The following CACNG5 variants were observed in gnomAD, a reference collection of about 807,000 sequenced individuals.
CACNG5 encodes calcium voltage-gated channel auxiliary subunit gamma 5, also known as voltage-dependent calcium channel gamma-5 subunit.
Under a neutral mutation model 24.8 loss-of-function variants are expected in CACNG5, and 18 were observed. The ratio of observed to expected loss-of-function variants is 0.73; its 90% CI spans 0.50 to 1.08. The LOEUF is 1.08. CACNG5 is among the 50% of genes least tolerant of loss of function. The pLI is 0.00. For synonymous variants in CACNG5, 157 were observed against 149.1 expected (o/e 1.05, Z -0.39); for missense variants, 349 against 367.9 (o/e 0.95, Z 0.42).
In CACNG5 at chr17:66,880,583, C is replaced by T; in HGVS notation, c.310C>T (p.Pro104Ser). Residue 104 changes from proline (P) to serine (S), a missense_variant, in exon 4 of 6, where the codon CCT becomes TCT. Transcript: ENST00000533854. ...LKMIRSATPF[P>S]LVSLFFMFIG... The stretch of plus-strand genomic sequence containing the variant: ...GATGATCCGCTCAGCCACACCATTC[C>T]CTCTGGTCAGCCTCTTCTTCATGTT... 1.2e-6 allele frequency: 2 copies of T among 1,614,230 alleles called. No homozygotes were observed. Among genetic ancestry groups the T allele is most frequent in the Non-Finnish European group, 1.7e-6 (2 of 1,180,038 alleles).
Position 66,884,922 on chromosome 17 carries a change from G to A in CACNG5, c.571-61G>A, listed in dbSNP as rs771631745. The A allele has an allele frequency of 1.4e-5, 23 of 1,613,886 alleles. No individual in the cohort carries two copies. The Admixed American group carries it at 3.7e-4, about 26-fold the overall frequency. Reference sequence around the variant, plus strand: ...CGAGCTGTGTCCTGTGCAGACCCCAGCCAAGGGAGATGAGGCAGGCCCCAG... The same window carrying A: ...CGAGCTGTGTCCTGTGCAGACCCCAACCAAGGGAGATGAGGCAGGCCCCAG... On this transcript the variant is annotated intron_variant, in intron 5 of 5. Transcript: ENST00000533854.
chr17:66,876,986 AAT>A (rs1977085950), intron 1 of CACNG5, among the ~76,000 whole-genome samples: 3 of 144,206 alleles, frequency 2.1e-5, no homozygotes, highest in Admixed American at 2.1e-4. Flanking sequence ...TTGCTGAATG[AAT>A]GAATGAATGA....
intron 1 of CACNG5, among the ~76,000 whole-genome samples, chr17:66,853,164 A>G (rs1490457412): frequency 2.0e-5 from 3 of 152,210 alleles, no homozygotes; most frequent in Non-Finnish European, 4.4e-5. Context: ...CTTTCAAGAT[A>G]TCACCCATGT....
In CACNG5 at chr17:66,886,265, G is replaced by T. The variant is rs73994666; in HGVS notation, c.*1025G>T. Among the ~76,000 whole-genome samples, 2,528 of 152,310 alleles carry T rather than the reference G, an allele frequency of 0.017. 68 individuals are homozygous for T. Among genetic ancestry groups the T allele is most frequent in the African/African-American group, 0.058 (2,400 of 41,564 alleles). On this transcript the variant is annotated 3_prime_UTR_variant, in exon 6 of 6. Transcript: ENST00000533854. ...TGAGGACACCTGGTGCAGCTTGAGT[G>T]CAAACAAAGGCAGACTTGGAATAAT...
At position 66,842,920 on chromosome 17, in the gene CACNG5, G is replaced by A. The variant is rs77014372; in HGVS notation, c.-104+7670G>A. On this transcript the variant is annotated intron_variant, in intron 1 of 5. Transcript: ENST00000533854. ...GGGGAGCAAACAGGCCAGTGGGCAA[G>A]TGGGACAGATGGCCTATGAGTTGGC... Among the ~76,000 whole-genome samples, 121 of 152,352 alleles carry A rather than the reference G, an allele frequency of 7.9e-4. 1 individual carries two copies. In the East Asian group the frequency reaches 0.022, roughly 28 times the overall value.
chr17:66,884,784 C>T, intron 5 of CACNG5, 123 bp downstream of exon 5: 1 of 1,613,480 alleles, frequency 6.2e-7, no homozygotes, highest in South Asian at 1.1e-5. Context: ...ACCACCCACT[C>T]TACTTCCCTT....
In CACNG5 at chr17:66,885,569, T is replaced by G; in HGVS notation, c.*329T>G. ...ACACCGATGTTCCCTTTGTATATTC[T>G]TCCTGCACCCCCCAACTTCATGGCC... On this transcript the variant is annotated 3_prime_UTR_variant, in exon 6 of 6. Transcript: ENST00000533854. 3 of 283,738 alleles carry G rather than the reference T, an allele frequency of 1.1e-5. No homozygotes were observed. Among genetic ancestry groups the G allele is most frequent in the Admixed American group, 4.8e-5 (1 of 20,834 alleles). The allele number at this position is 283,738 out of a possible 1,614,324, so 17.6% of individuals were successfully genotyped here.
chr17:66,873,062 T>C (rs1303026666), intron 1 of CACNG5, among the ~76,000 whole-genome samples: 1 of 152,120 alleles, frequency 6.6e-6, no homozygotes. Context: ...CACCTGTGCT[T>C]TCCTGTAGGC....
intron 1 of CACNG5, among the ~76,000 whole-genome samples, chr17:66,858,890 T>G (rs911736773): frequency 4.9e-4 from 75 of 152,196 alleles, no homozygotes; most frequent in Admixed American, 4.8e-3. Flanking sequence ...TGTGAATACC[T>G]TGAATTCATC....
At chr17:66,865,236 G>A (rs1384960874) in intron 1 of CACNG5, among the ~76,000 whole-genome samples, 1 of 150,098 alleles carries the variant, frequency 6.7e-6, no homozygotes, top group African/African-American at 2.4e-5. Context: ...TTTGTGCACA[G>A]CCATTTATCT....
Position 66,877,402 on chromosome 17 carries a change from C to T in CACNG5, c.70C>T (p.Leu24=), listed in dbSNP as rs748099487. The part of the protein sequence containing the change: ...SVFAVCGLGL[L]GIAVSTDYWL... ...CTTTGCTGTCTGTGGCTTGGGCCTCCTGGGTATCGCGGTCAGCACCGACTA... is the reference window on the plus strand; with the variant it reads ...CTTTGCTGTCTGTGGCTTGGGCCTCTTGGGTATCGCGGTCAGCACCGACTA... The change falls in exon 2 of 6, where the codon CTG becomes TTG. Residue 24 remains leucine, a synonymous_variant. Coordinates refer to ENST00000533854, the MANE Select transcript of CACNG5 (RefSeq NM_145811.3). 6.2e-7 allele frequency: 1 copy of T among 1,614,114 alleles called. No homozygotes were observed. The highest frequency in any genetic ancestry group is 1.7e-5 in the Admixed American group (1 of 60,012).
chr17:66,876,979 C>CTGAATGAATGAATGAATGAA (rs3834579), intron 1 of CACNG5, among the ~76,000 whole-genome samples: 2 of 149,004 alleles, frequency 1.3e-5, no homozygotes, highest in South Asian at 2.1e-4. Context: ...CAATGGGTTG[C>CTGAATGAATGAATGAATGAA]TGAATGAATG....
In CACNG5 at chr17:66,886,700, G is replaced by A. The variant is rs899077938; in HGVS notation, c.*1460G>A. On this transcript the variant is annotated 3_prime_UTR_variant, in exon 6 of 6. Coordinates refer to ENST00000533854, the MANE Select transcript of CACNG5 (RefSeq NM_145811.3). ...CAGCACGTAGTCCAGAAAGCTGCAC[G>A]TCTGGTGTGCGCAGCCTTGGAGAGG... Among the ~76,000 whole-genome samples the A allele has an allele frequency of 1.3e-5, 2 of 152,240 alleles. No homozygotes were observed. The highest frequency in any genetic ancestry group is 1.5e-5 in the Non-Finnish European group (1 of 68,042).
intron 1 of CACNG5, among the ~76,000 whole-genome samples, chr17:66,876,396 C>T (rs1977078141): frequency 1.3e-5 from 2 of 152,294 alleles, no homozygotes; most frequent in South Asian, 4.1e-4. Context: ...CATCCATCTG[C>T]CTTGCTCTCC....
intron 1 of CACNG5, among the ~76,000 whole-genome samples, chr17:66,875,524 C>T (rs1053221279): frequency 6.6e-6 from 1 of 152,182 alleles, no homozygotes; most frequent in African/African-American, 2.4e-5. Context: ...CCCTCAACCC[C>T]TTCTCACAAA....
intron 3 of CACNG5, among the ~76,000 whole-genome samples, chr17:66,880,116 G>C (rs1977136312): frequency 1.3e-5 from 2 of 152,198 alleles, no homozygotes; most frequent in African/African-American, 4.8e-5. Context: ...ATAAGTTGAA[G>C]AAAACAGAGG....
In CACNG5 at chr17:66,891,200, T is replaced by C. The variant is rs1977338928; in HGVS notation, c.*5960T>C. Among the ~76,000 whole-genome samples the C allele has an allele frequency of 6.6e-6, 1 of 152,204 alleles. No individual in the cohort carries two copies. The highest frequency in any genetic ancestry group is 2.4e-5 in the African/African-American group (1 of 41,464). ...CCAGAAGCAACCCCAGCAGACTTCA[T>C]GTCATGTCTCATTGGCCAAAACCAA... On this transcript the variant is annotated 3_prime_UTR_variant, in exon 6 of 6. Transcript: ENST00000533854.
At position 66,887,236 on chromosome 17, in the gene CACNG5, C is replaced by T. The variant is rs964576558; in HGVS notation, c.*1996C>T. 1.3e-5 allele frequency among the ~76,000 whole-genome samples: 2 copies of T among 152,128 alleles called. No homozygotes were observed. Among genetic ancestry groups the T allele is most frequent in the Non-Finnish European group, 2.9e-5 (2 of 68,024 alleles). Reference sequence around the variant, plus strand: ...TCCCAATTCAGCCACTCATTCACCACGAATCCTTGGGCAACACCCTTCCAC... The same window carrying T: ...TCCCAATTCAGCCACTCATTCACCATGAATCCTTGGGCAACACCCTTCCAC... On this transcript the variant is annotated 3_prime_UTR_variant, in exon 6 of 6. Coordinates refer to ENST00000533854, the MANE Select transcript of CACNG5 (RefSeq NM_145811.3).
Position 66,894,380 on chromosome 17 carries a change from G to T in CACNG5, c.*9140G>T, listed in dbSNP as rs571848258. Among the ~76,000 whole-genome samples, 1 of 152,210 alleles carries T rather than the reference G, an allele frequency of 6.6e-6. No individual in the cohort carries two copies. Among genetic ancestry groups the T allele is most frequent in the East Asian group, 1.9e-4 (1 of 5,188 alleles). On this transcript the variant is annotated 3_prime_UTR_variant, in exon 6 of 6. Coordinates refer to ENST00000533854, the MANE Select transcript of CACNG5 (RefSeq NM_145811.3). Reference sequence around the variant, plus strand: ...AAGTACTCATAATAATTTACCCTGTGATCCTATTAATAATAAATTAGTACT... The same window carrying T: ...AAGTACTCATAATAATTTACCCTGTTATCCTATTAATAATAAATTAGTACT...
Sources: gnomAD v4.1 joint callset for allele counts (sites outside exome capture counted in the v4.1 genomes callset) on GRCh38, gnomAD v4.1.1 for gene constraint, MANE v1.5 for transcripts, NCBI Gene and HGNC (gene_info 2026-07-23, HGNC 2026-07-21) for gene names.